Variants in SMAP2 observed in about 807,000 individuals in gnomAD.
SMAP2 encodes stromal membrane-associated protein 2.
Under a neutral mutation model 56.4 loss-of-function variants are expected in SMAP2, and 25 were observed. The ratio of observed to expected loss-of-function variants is 0.44; its 90% CI spans 0.32 to 0.62. The LOEUF is 0.62. SMAP2 is among the 20% of genes least tolerant of loss of function. SMAP2 has a pLI of 0.04. For missense variants in SMAP2, 388 were observed against 545.6 expected (o/e 0.71, Z 2.88); for synonymous variants, 157 against 181.7 (o/e 0.86, Z 1.09).
chr1:40,347,175 C>T (rs1295247252), intron 1 of SMAP2, among the ~76,000 whole-genome samples: 1 of 150,990 alleles, frequency 6.6e-6, no homozygotes, highest in African/African-American at 2.4e-5. Flanking sequence ...TCCTGAGTAG[C>T]TGGGACCACA....
At chr1:40,361,636 C>T (rs949122659) in intron 1 of SMAP2, among the ~76,000 whole-genome samples, 1 of 152,134 alleles carries the variant, frequency 6.6e-6, no homozygotes, top group Admixed American at 6.6e-5. Flanking sequence ...GCAGCATTCA[C>T]CACAAGCTGA....
intron 1 of SMAP2, among the ~76,000 whole-genome samples, chr1:40,384,101 T>C (rs994357998): frequency 2.6e-5 from 4 of 152,182 alleles, no homozygotes; most frequent in African/African-American, 9.6e-5. Flanking sequence ...TCTCACCACA[T>C]TGGCCAGGCT....
intron 1 of SMAP2, among the ~76,000 whole-genome samples, chr1:40,345,942 T>C (rs1192895031): frequency 2.1e-5 from 3 of 140,460 alleles, no homozygotes; most frequent in Non-Finnish European, 4.6e-5. Context: ...TAGAAAGTAG[T>C]CTTCAGACCT....
chr1:40,399,685 G>T (rs1001670817), intron 1 of SMAP2, among the ~76,000 whole-genome samples: 1 of 132,090 alleles, frequency 7.6e-6, no homozygotes, highest in Admixed American at 8.1e-5. Flanking sequence ...CTGGGTGAGA[G>T]AGTAAGACCC....
intron 9 of SMAP2, among the ~76,000 whole-genome samples, chr1:40,420,049 T>C (rs1431203325): frequency 1.3e-5 from 2 of 152,242 alleles, no homozygotes; most frequent in African/African-American, 2.4e-5. Flanking sequence ...GAAGTCAATT[T>C]TGGAAAACTG....
chr1:40,379,555 CTTT>C (rs35398664), intron 1 of SMAP2, among the ~76,000 whole-genome samples: 6 of 78,110 alleles, frequency 7.7e-5, no homozygotes, highest in Admixed American at 5.9e-4. Context: ...TGTTGTCTCT[CTTT>C]TTTTTTTTTT....
At position 40,422,122 on chromosome 1, in the gene SMAP2, T is replaced by A. The variant is rs1645049409; in HGVS notation, c.*21T>A. ...AATAAAAACAAAACACCTGTATGGC[T>A]GCCATTCTCTTCAGCCCTCGCTCTC... On this transcript the variant is annotated 3_prime_UTR_variant, in exon 10 of 10. Transcript: ENST00000372718. The A allele has an allele frequency of 6.2e-7, 1 of 1,613,092 alleles. No individual in the cohort carries two copies. Among genetic ancestry groups the A allele is most frequent in the Non-Finnish European group, 8.5e-7 (1 of 1,179,750 alleles).
chr1:40,420,272 T>C (rs1239564958), intron 9 of SMAP2, among the ~76,000 whole-genome samples: 1 of 152,230 alleles, frequency 6.6e-6, no homozygotes, highest in Non-Finnish European at 1.5e-5. Flanking sequence ...ATTTTCATTG[T>C]TTCGTTTTTA....
At chr1:40,383,224 G>A (rs1644616195) in intron 1 of SMAP2, among the ~76,000 whole-genome samples, 1 of 152,214 alleles carries the variant, frequency 6.6e-6, no homozygotes, top group South Asian at 2.1e-4. Context: ...GGAAGTCCGA[G>A]TGGTCTGGTG....
chr1:40,397,924 A>G (rs1362522670), intron 1 of SMAP2, among the ~76,000 whole-genome samples: 4 of 152,194 alleles, frequency 2.6e-5, no homozygotes, highest in East Asian at 3.9e-4. Context: ...AGTGTGCTGC[A>G]TATTTCACAA....
intron 2 of SMAP2, among the ~76,000 whole-genome samples, chr1:40,366,159 G>C (rs1355355605): frequency 6.6e-6 from 1 of 152,058 alleles, no homozygotes; most frequent in Non-Finnish European, 1.5e-5. Flanking sequence ...AGAAAGAAGA[G>C]TAAAAAGAAA....
At chr1:40,421,329 C>T (rs1243044545) in intron 9 of SMAP2, among the ~76,000 whole-genome samples, 2 of 152,126 alleles carry the variant, frequency 1.3e-5, no homozygotes, top group Admixed American at 1.3e-4. Flanking sequence ...CTGTTCACTG[C>T]TAGGGGCCAG....
chr1:40,378,889 G>A (rs1219219961), intron 1 of SMAP2, among the ~76,000 whole-genome samples: 1 of 151,986 alleles, frequency 6.6e-6, no homozygotes, highest in Non-Finnish European at 1.5e-5. Flanking sequence ...GAATATGTAC[G>A]GTATAAAATC....
rs1030720460 is a variant in SMAP2, at chr1:40,418,792, T to C, written c.1164+1696T>C. Reference sequence around the variant, plus strand: ...TCAAGTGTATGCAAGACACAACAAGTATTTTACAACCAAGCCAGCCAAGCT... The same window carrying C: ...TCAAGTGTATGCAAGACACAACAAGCATTTTACAACCAAGCCAGCCAAGCT... On this transcript the variant is annotated intron_variant, in intron 9 of 9. Coordinates refer to ENST00000372718, the MANE Select transcript of SMAP2 (RefSeq NM_022733.3). Among the ~76,000 whole-genome samples the C allele has an allele frequency of 9.2e-5, 14 of 152,312 alleles. 1 individual carries two copies. The highest frequency in any genetic ancestry group is 5.8e-4 in the East Asian group (3 of 5,190).
chr1:40,421,509 T>A (rs929563611), intron 9 of SMAP2, among the ~76,000 whole-genome samples: 1 of 152,132 alleles, frequency 6.6e-6, no homozygotes, highest in Non-Finnish European at 1.5e-5. Context: ...AGTTCCTTTT[T>A]TTCCCCCTTG....
chr1:40,402,131 A>G (rs538317987), intron 1 of SMAP2, among the ~76,000 whole-genome samples: 1 of 152,284 alleles, frequency 6.6e-6, no homozygotes, highest in African/African-American at 2.4e-5. Flanking sequence ...TAAATTTCAA[A>G]ATGGCATCTT....
At chr1:40,360,757 C>T (rs1183138104) in intron 1 of SMAP2, among the ~76,000 whole-genome samples, 2 of 152,210 alleles carry the variant, frequency 1.3e-5, no homozygotes, top group African/African-American at 4.8e-5. Flanking sequence ...CAGTGGAAAG[C>T]AACCCTGGGC....
At chr1:40,417,247 T>G in intron 9 of SMAP2, 151 bp downstream of exon 9, 1 of 620,868 alleles carries the variant, frequency 1.6e-6, no homozygotes, top group Admixed American at 3.2e-5. Context: ...TTTTTTTTTT[T>G]CCTAGAAGGT....
chr1:40,378,296 C>T (rs144610269), intron 1 of SMAP2, among the ~76,000 whole-genome samples: 38 of 151,832 alleles, frequency 2.5e-4, no homozygotes, highest in African/African-American at 8.2e-4. Flanking sequence ...GCCATTTTTT[C>T]GAATATTTTC....
Sources: gnomAD v4.1 joint callset for allele counts (sites outside exome capture counted in the v4.1 genomes callset) on GRCh38, gnomAD v4.1.1 for gene constraint, MANE v1.5 for transcripts, NCBI Gene and HGNC (gene_info 2026-07-23, HGNC 2026-07-21) for gene names.